Variants in LARGE1 observed in about 807,000 individuals in gnomAD.
The protein encoded by LARGE1 is xylosyl- and glucuronyltransferase LARGE1.
LARGE1 carries 43 observed loss-of-function variants against 87.6 expected under a neutral mutation model. The observed-to-expected ratio is 0.49, with a 90% CI of 0.38 to 0.63. LARGE1 has a LOEUF of 0.63. Ranked by LOEUF, LARGE1 falls within the 30% of genes least tolerant of loss-of-function variation. LARGE1 has a pLI of 0.00. For synonymous variants in LARGE1, 434 were observed against 394.6 expected, an observed-to-expected ratio of 1.10 and a Z score of -1.18; for missense variants, 802 against 1,000.2, an observed-to-expected ratio of 0.80 and a Z score of 2.67.
chr22:33,246,287 T>G (rs1926754056), intron 11 of LARGE1, among the ~76,000 whole-genome samples: 2 of 152,226 alleles, frequency 1.3e-5, no homozygotes, highest in South Asian at 4.1e-4. Context: ...AAAGCTTTTA[T>G]GGAAATTTTG....
intron 6 of LARGE1, among the ~76,000 whole-genome samples, chr22:33,535,429 G>A (rs1359741335): frequency 6.6e-6 from 1 of 152,134 alleles, no homozygotes; most frequent in Non-Finnish European, 1.5e-5. Context: ...TGTAATCCCA[G>A]CTACTTGGGA....
intron 6 of LARGE1, among the ~76,000 whole-genome samples, chr22:33,517,612 G>A (rs553126951): frequency 7.1e-5 from 4 of 56,036 alleles, no homozygotes; most frequent in African/African-American, 3.1e-4. Flanking sequence ...ATATGGGCCA[G>A]GATGGTCTCG....
At chr22:33,508,580 C>CA (rs1485251013) in intron 6 of LARGE1, among the ~76,000 whole-genome samples, 1 of 152,162 alleles carries the variant, frequency 6.6e-6, no homozygotes, top group East Asian at 1.9e-4. Flanking sequence ...GTGGTGATCT[C>CA]ATTCAACAAT....
In LARGE1 at chr22:33,473,754, C is replaced by T. The variant is rs142589166; in HGVS notation, c.788-41489G>A. On this transcript the variant is annotated intron_variant, in intron 6 of 14. Coordinates refer to ENST00000397394, the MANE Select transcript of LARGE1 (RefSeq NM_133642.5). ...CCACCGAGCCCAGCACTTTTTCATA[C>T]CTTCTACATACACAAGGTGCTGGGC... Among the ~76,000 whole-genome samples, 6 of 152,164 alleles carry T rather than the reference C, an allele frequency of 3.9e-5. No individual in the cohort carries two copies. The East Asian group carries it at 9.7e-4, about 25-fold the overall frequency.
intron 6 of LARGE1, among the ~76,000 whole-genome samples, chr22:33,503,748 A>G (rs897795657): frequency 1.3e-5 from 2 of 151,556 alleles, no homozygotes; most frequent in African/African-American, 2.4e-5. Context: ...GCAGTGAGCC[A>G]AGATCGCATC....
chr22:33,235,230 G>C (rs1926194392), intron 11 of LARGE1, among the ~76,000 whole-genome samples: 1 of 152,206 alleles, frequency 6.6e-6, no homozygotes, highest in Non-Finnish European at 1.5e-5. Flanking sequence ...TTAAGGGAAA[G>C]AGTAGGAAAT....
At chr22:33,780,550 C>G (rs1160138895) in intron 1 of LARGE1, among the ~76,000 whole-genome samples, 1 of 152,170 alleles carries the variant, frequency 6.6e-6, no homozygotes, top group Non-Finnish European at 1.5e-5. Context: ...TGAAGCCAAG[C>G]TTTAGGAAAT....
At chr22:33,419,720 T>C (rs2066627011) in intron 7 of LARGE1, among the ~76,000 whole-genome samples, 1 of 152,180 alleles carries the variant, frequency 6.6e-6, no homozygotes, top group Admixed American at 6.5e-5. Context: ...AGATGGAGTC[T>C]CGCTCTATTG....
At position 33,432,122 on chromosome 22, in the gene LARGE1, A is replaced by T. The variant is rs768148879; in HGVS notation, c.892+39T>A. 3 of 1,518,154 alleles carry T rather than the reference A, an allele frequency of 2.0e-6. No individual in the cohort carries two copies. In the South Asian group the frequency reaches 3.4e-5, roughly 17 times the overall value. The allele number at this position is 1,518,154 out of a possible 1,614,324, so 94.0% of individuals were successfully genotyped here. ...GGAAGGAGCACTGGGTCCTCATATC[A>T]CCTTCTGCAACTCTTCCCATACCAC... On this transcript the variant is annotated intron_variant, in intron 7 of 14. Coordinates refer to ENST00000397394, the MANE Select transcript of LARGE1 (RefSeq NM_133642.5).
At chr22:33,159,558 C>T (rs1569443091), downstream of LARGE1, among the ~76,000 whole-genome samples, 1 of 151,646 alleles carries the variant, frequency 6.6e-6, no homozygotes, top group Non-Finnish European at 1.5e-5. Context: ...AGTTACTCTG[C>T]CTCTTGGTAC....
chr22:33,788,000 C>A (rs138429659), intron 1 of LARGE1, among the ~76,000 whole-genome samples: 1 of 152,156 alleles, frequency 6.6e-6, no homozygotes, highest in African/African-American at 2.4e-5. Flanking sequence ...TCATGAAACC[C>A]TGCCCAGTAA....
chr22:33,116,030 C>T, the LARGE1 span, among the ~76,000 whole-genome samples: 59 of 152,172 alleles, frequency 3.9e-4, no homozygotes, highest in African/African-American at 1.2e-3. Context: ...TATTTTGTTA[C>T]GGCATCCCTA....
At chr22:33,469,689 A>G (rs375230165) in intron 6 of LARGE1, among the ~76,000 whole-genome samples, 4 of 151,682 alleles carry the variant, frequency 2.6e-5, no homozygotes, top group Non-Finnish European at 5.9e-5. Flanking sequence ...TTAGCTAGGC[A>G]TGGGGGCATG....
intron 1 of LARGE1, among the ~76,000 whole-genome samples, chr22:33,769,196 C>T (rs1189169809): frequency 4.6e-5 from 7 of 152,084 alleles, no homozygotes; most frequent in African/African-American, 1.7e-4. Context: ...ATGATGTGCC[C>T]GACTTTTCAT....
chr22:33,833,026 C>T (rs1292400792), intron 1 of LARGE1, among the ~76,000 whole-genome samples: 2 of 152,136 alleles, frequency 1.3e-5, no homozygotes, highest in East Asian at 1.9e-4. Flanking sequence ...CTTCATCCTT[C>T]GGGAGAACTG....
At chr22:33,783,068 G>A (rs2085477718) in intron 1 of LARGE1, among the ~76,000 whole-genome samples, 1 of 151,938 alleles carries the variant, frequency 6.6e-6, no homozygotes, top group Non-Finnish European at 1.5e-5. Context: ...CAGACGAAAA[G>A]ACTAAGTATC....
intron 12 of LARGE1, among the ~76,000 whole-genome samples, chr22:33,292,038 G>A (rs1034272965): frequency 1.3e-5 from 2 of 152,200 alleles, no homozygotes; most frequent in African/African-American, 2.4e-5. Flanking sequence ...AGGTTGCAAT[G>A]AGCCGAGATC....
rs695258 is a variant in LARGE1, at chr22:33,604,296, C to G, written c.615+139G>C. The G allele has an allele frequency of 0.28, 312,132 of 1,098,212 alleles. 46,096 individuals are homozygous for G. The highest frequency in any genetic ancestry group is 0.31 in the South Asian group (23,831 of 77,234). The allele number at this position is 1,098,212 out of a possible 1,614,324, so 68.0% of individuals were successfully genotyped here. ...ACTTCGATAATAAAATCAGATTCTG[C>G]TGGCAAACAACTTCCTTACGCCCTA... is the stretch of plus-strand genomic sequence containing the variant. On this transcript the variant is annotated intron_variant, in intron 5 of 14. Transcript: ENST00000397394.
intron 1 of LARGE1, among the ~76,000 whole-genome samples, chr22:33,768,386 T>C (rs2084968067): frequency 6.6e-6 from 1 of 152,068 alleles, no homozygotes; most frequent in East Asian, 1.9e-4. Flanking sequence ...ACTGTCATTA[T>C]TATTTTCCTA....
Sources: allele counts gnomAD v4.1 joint callset (sites outside exome capture counted in the v4.1 genomes callset), GRCh38; gene constraint gnomAD v4.1.1; transcripts MANE v1.5; gene names NCBI Gene and HGNC (gene_info 2026-07-23, HGNC 2026-07-21).